TMEM132D: variants seen among roughly 807,000 people sequenced by gnomAD.
The protein encoded by TMEM132D is mature OL transmembrane protein.
Under a neutral mutation model 62.3 loss-of-function variants are expected in TMEM132D, and 21 were observed. The observed-to-expected ratio is 0.34, with a 90% CI of 0.24 to 0.49. The LOEUF is 0.49. Ranked by LOEUF, TMEM132D falls within the 20% of genes least tolerant of loss-of-function variation. The pLI is 0.99. For missense variants in TMEM132D, 1,346 were observed against 1,402.8 expected, an observed-to-expected ratio of 0.96 and a Z score of 0.65; for synonymous variants, 621 against 575.6, an observed-to-expected ratio of 1.08 and a Z score of -1.13.
chr12:129,244,105 G>A (rs1364892088), intron 4 of TMEM132D, among the ~76,000 whole-genome samples: 1 of 152,170 alleles, frequency 6.6e-6, no homozygotes, highest in African/African-American at 2.4e-5. Context: ...AATTATTCCG[G>A]CCGGGTGCGG....
intron 3 of TMEM132D, among the ~76,000 whole-genome samples, chr12:129,486,256 G>T (rs538647455): frequency 1.3e-5 from 2 of 152,302 alleles, no homozygotes; most frequent in Non-Finnish European, 2.9e-5. Context: ...TCAGCTACAG[G>T]TTCCTTCTTT....
chr12:129,892,872 TC>T lies in TMEM132D; in HGVS notation c.79+10388del, dbSNP rs529026729. 5.3e-5 allele frequency among the ~76,000 whole-genome samples: 8 copies of T among 152,142 alleles called. No homozygotes were observed. The East Asian group carries it at 1.6e-3, about 30-fold the overall frequency. On this transcript the variant is annotated intron_variant, in intron 1 of 8. Transcript: ENST00000422113. ...GCATAATGGCGCCTGTTTTAAGGACTCTGTTTGTTTGTTTGTTTGTTTGTGA... is the reference window on the plus strand; with the variant it reads ...GCATAATGGCGCCTGTTTTAAGGACTTGTTTGTTTGTTTGTTTGTTTGTGA...
intron 2 of TMEM132D, among the ~76,000 whole-genome samples, chr12:129,554,000 T>C (rs1363781170): frequency 6.6e-6 from 1 of 152,206 alleles, no homozygotes; most frequent in Non-Finnish European, 1.5e-5. Flanking sequence ...TATCCTTTAA[T>C]CAACACTATC....
chr12:129,810,654 GAAAT>G (rs1425694766), intron 1 of TMEM132D, among the ~76,000 whole-genome samples: 1 of 151,928 alleles, frequency 6.6e-6, no homozygotes, highest in Admixed American at 6.6e-5. Context: ...ATGTGCAAAA[GAAAT>G]AAAAGTTAAA....
At chr12:129,464,088 C>T (rs1460598262) in intron 3 of TMEM132D, among the ~76,000 whole-genome samples, 1 of 150,348 alleles carries the variant, frequency 6.7e-6, no homozygotes, top group East Asian at 1.9e-4. Context: ...TACAGTCCCA[C>T]CAACAGTGTA....
chr12:129,481,297 CA>C (rs1375914594), intron 3 of TMEM132D, among the ~76,000 whole-genome samples: 1 of 151,700 alleles, frequency 6.6e-6, no homozygotes, highest in Admixed American at 6.6e-5. Flanking sequence ...ATTGTCTCTA[CA>C]AAAAAATTTT....
intron 2 of TMEM132D, among the ~76,000 whole-genome samples, chr12:129,621,431 C>T (rs988783940): frequency 5.3e-5 from 8 of 152,192 alleles, no homozygotes; most frequent in Non-Finnish European, 1.0e-4. Flanking sequence ...ATGCACATTT[C>T]TCCTCTCTCT....
intron 3 of TMEM132D, among the ~76,000 whole-genome samples, chr12:129,432,405 G>A (rs947275468): frequency 3.3e-5 from 5 of 152,242 alleles, no homozygotes; most frequent in South Asian, 2.1e-4. Flanking sequence ...TGAGCTCCAC[G>A]AGAGAAGAGT....
intron 4 of TMEM132D, among the ~76,000 whole-genome samples, chr12:129,296,929 T>C (rs1010219608): frequency 6.6e-6 from 1 of 152,236 alleles, no homozygotes. Context: ...AAAGGAATGC[T>C]TCTCAGAACT....
intron 1 of TMEM132D, among the ~76,000 whole-genome samples, chr12:129,749,799 A>G (rs60537795): frequency 0.015 from 2,240 of 152,160 alleles, 65 homozygotes; most frequent in African/African-American, 0.051. Context: ...AACTTCCTTC[A>G]AGAAAGACAC....
At chr12:129,344,822 G>A (rs562257483) in intron 3 of TMEM132D, among the ~76,000 whole-genome samples, 12 of 151,960 alleles carry the variant, frequency 7.9e-5, no homozygotes, top group East Asian at 2.0e-4. Flanking sequence ...CCCGATTTCC[G>A]TCCGTCTGCT....
intron 3 of TMEM132D, among the ~76,000 whole-genome samples, chr12:129,439,388 C>T (rs1021618304): frequency 6.6e-6 from 1 of 152,188 alleles, no homozygotes; most frequent in Admixed American, 6.5e-5. Context: ...ATTCTGTTCT[C>T]AATGTCCAGC....
chr12:129,746,017 T>G (rs1476681401), intron 1 of TMEM132D, among the ~76,000 whole-genome samples: 1 of 152,192 alleles, frequency 6.6e-6, no homozygotes, highest in African/African-American at 2.4e-5. Context: ...TCCAGGGACC[T>G]GGACCATGAG....
chr12:129,730,344 C>T (rs1025301069), intron 1 of TMEM132D, among the ~76,000 whole-genome samples: 1 of 152,136 alleles, frequency 6.6e-6, no homozygotes, highest in Admixed American at 6.5e-5. Flanking sequence ...TATAAATATA[C>T]TCTGCCATTG....
chr12:129,129,228 G>C (rs1301473774), intron 5 of TMEM132D, among the ~76,000 whole-genome samples: 4 of 151,122 alleles, frequency 2.6e-5, no homozygotes, highest in East Asian at 4.0e-4. Context: ...CCTTATAAGT[G>C]AGAACATGAA....
rs1874191130 is a variant in TMEM132D, at chr12:129,074,655, C to T, written c.2520G>A (p.Gln840=). 2 of 1,614,132 alleles carry T rather than the reference C, an allele frequency of 1.2e-6. No homozygotes were observed. Among genetic ancestry groups the T allele is most frequent in the Non-Finnish European group, 1.7e-6 (2 of 1,180,012 alleles). ...PSQEWGSQEG[Q]YYGSSSMGLM... is the part of the protein sequence containing the mutation. ...GTCCCATAGAAGAACTGCCATAGTA[C>T]TGTCCTTCCTGACTCCCCCATTCCT... The change falls in exon 9 of 9, where the codon CAG becomes CAA. Residue 840 remains glutamine, a synonymous_variant. Coordinates refer to ENST00000422113, the MANE Select transcript of TMEM132D (RefSeq NM_133448.3).
chr12:129,268,754 A>C (rs1443089451), intron 4 of TMEM132D, among the ~76,000 whole-genome samples: 1 of 152,148 alleles, frequency 6.6e-6, no homozygotes, highest in Non-Finnish European at 1.5e-5. Context: ...AATAGCAATG[A>C]CTTGGAAGCA....
At chr12:129,807,251 C>G in intron 1 of TMEM132D, among the ~76,000 whole-genome samples, 1 of 152,114 alleles carries the variant, frequency 6.6e-6, no homozygotes, top group East Asian at 1.9e-4. Flanking sequence ...CCCCAGGGAG[C>G]GGAGTCCACC....
chr12:129,838,953 C>CTTTT (rs576777558), intron 1 of TMEM132D, among the ~76,000 whole-genome samples: 1 of 133,232 alleles, frequency 7.5e-6, no homozygotes, highest in Non-Finnish European at 1.6e-5. Context: ...ACTTAAAACT[C>CTTTT]TTTTTTTTTT....
Sources: gnomAD v4.1 joint callset for allele counts (sites outside exome capture counted in the v4.1 genomes callset) on GRCh38, gnomAD v4.1.1 for gene constraint, MANE v1.5 for transcripts, NCBI Gene and HGNC (gene_info 2026-07-23, HGNC 2026-07-21) for gene names.